Variants in CACNA1F observed in about 807,000 individuals in gnomAD.
The protein encoded by CACNA1F is calcium voltage-gated channel subunit alpha1 F.
CACNA1F carries 59 observed loss-of-function variants against 143.8 expected under a neutral mutation model. The observed-to-expected ratio is 0.41, with a 90% CI of 0.33 to 0.51. CACNA1F has a LOEUF of 0.51. CACNA1F is among the 20% of genes least tolerant of loss of function. The pLI, the probability that CACNA1F is intolerant of heterozygous loss-of-function variation, is 0.22. For synonymous variants in CACNA1F, 643 were observed against 649.1 expected (o/e 0.99, Z 0.14); for missense variants, 1,411 against 1,647.5 (o/e 0.86, Z 2.48).
At position 49,208,540 on chromosome X, in the gene CACNA1F, G is replaced by A. The variant is rs782006249; in HGVS notation, c.5098C>T (p.Pro1700Ser). 1 of 1,209,310 alleles carries A rather than the reference G, an allele frequency of 8.3e-7. No individual in the cohort carries two copies. The highest frequency in any genetic ancestry group is 1.7e-5 in the African/African-American group (1 of 57,616). ...GTPTSSQPSV[P>S]QAGSNTHRRG... ...CTGTGGGTGTTGGATCCAGCCTGGGGCACACTGGGCTGACTGGAGGTGGGA... is the reference window on the plus strand; with the variant it reads ...CTGTGGGTGTTGGATCCAGCCTGGGACACACTGGGCTGACTGGAGGTGGGA... The change falls in exon 43 of 48, where the codon CCC becomes TCC. Residue 1700 changes from proline (P) to serine (S), a missense_variant. Pro to Ser is a moderately conservative substitution (Grantham distance 74). This residue lies in a region of CACNA1F where 349 missense variants were observed against 350.2 expected (regional missense o/e 1.00). Coordinates refer to ENST00000323022, the MANE Select transcript of CACNA1F (RefSeq NM_001256789.3).
chrX:49,219,896 G>C, intron 19 of CACNA1F, 106 bp from the exon 20 acceptor site: 1 of 535,492 alleles, frequency 1.9e-6, no homozygotes. Flanking sequence ...CTGCTAGAAT[G>C]TCAGCTCCTC....
At position 49,209,673 on chromosome X, in the gene CACNA1F, G is replaced by A; in HGVS notation, c.4777C>T (p.Leu1593=). The change falls in exon 41 of 48, where the codon CTA becomes TTA. Residue 1593 remains leucine (L), a synonymous_variant. Transcript: ENST00000323022. ...CTAGGGGCGGCGTCGTTGCCTAGTA[G>A]CCCTTTTTCTTTCCTCCGCCGGAAT... The part of the protein sequence containing the change: ...RKFRRRKEKG[L]LGNDAAPSTS... 1 of 1,211,126 alleles carries A rather than the reference G, an allele frequency of 8.3e-7. No individual in the cohort carries two copies. Among genetic ancestry groups the A allele is most frequent in the Non-Finnish European group, 1.1e-6 (1 of 894,983 alleles).
At chrX:49,232,070 T>C (rs1348197927) in intron 1 of CACNA1F, 143 bp from the exon 2 acceptor site, 1 of 568,647 alleles carries the variant, frequency 1.8e-6, no homozygotes, top group African/African-American at 2.3e-5. Flanking sequence ...GGTTAAGGAC[T>C]GGGAAGTAAG....
Position 49,231,289 on chromosome X carries a change from G to A in CACNA1F, c.294C>T (p.Ile98=), listed in dbSNP as rs782117927. 8.6e-7 allele frequency: 1 copy of A among 1,162,442 alleles called. No individual in the cohort carries two copies. The part of the protein sequence containing the change: ...IVEWKPFDIL[I]LLTIFANCVA... ...CGCAGTTGGCAAAGATGGTCAGCAG[G>A]ATGAGGATGTCGAAGGGCCTCAGGT... The change falls in exon 3 of 48, where the codon ATC becomes ATT. Residue 98 remains isoleucine, a synonymous_variant. Transcript: ENST00000323022.
chrX:49,211,269 C>T (rs2065654851), intron 36 of CACNA1F, 53 bp downstream of exon 36: 2 of 1,193,979 alleles, frequency 1.7e-6, no homozygotes, highest in Non-Finnish European at 2.3e-6. Context: ...CCCTGAGCCC[C>T]TCAGGGCCAG....
At position 49,223,128 on chromosome X, in the gene CACNA1F, GCC is replaced by G; in HGVS notation, c.1884_1885del (p.Trp628CysfsTer46). 1 of 1,186,738 alleles carries G rather than the reference GCC, an allele frequency of 8.4e-7. No individual in the cohort carries two copies. Among genetic ancestry groups the G allele is most frequent in the Non-Finnish European group, 1.1e-6 (1 of 877,262 alleles). ...GGATGCCACCAGATTGCTCAGAGAA[GCC>G]CAGTGTCTGCAGCAGAAATGGGAGG... is the stretch of plus-strand genomic sequence containing the variant. On this transcript the variant is annotated frameshift_variant, in exon 15 of 48. Transcript: ENST00000323022. LOFTEE classifies it high-confidence loss of function.
chrX:49,210,837 G>A lies in CACNA1F; in HGVS notation c.4388+128C>T, dbSNP rs1569527766. The A allele has an allele frequency of 5.7e-6, 5 of 871,154 alleles. No homozygotes were observed. The East Asian group carries it at 1.0e-4, about 18-fold the overall frequency. The allele number at this position is 871,154 out of a possible 1,213,427, so 71.8% of individuals were successfully genotyped here. A position where few individuals can be genotyped will look rare whatever the true frequency, so the allele number is the denominator to read the frequency against. On this transcript the variant is annotated intron_variant, in intron 37 of 47. Transcript: ENST00000323022. ...GCAGTCAGAGAGGGCAGAGGATGGGGCAGTGGAAACTTTGGGGCATCTATT... is the reference window on the plus strand; with the variant it reads ...GCAGTCAGAGAGGGCAGAGGATGGGACAGTGGAAACTTTGGGGCATCTATT...
intron 1 of CACNA1F, among the ~76,000 whole-genome samples, chrX:49,232,205 T>G (rs1263537609): frequency 1.8e-5 from 2 of 111,244 alleles, no homozygotes; most frequent in Admixed American, 1.9e-4. Flanking sequence ...GGTGGGCGAA[T>G]TTAAGGTTAA....
At position 49,208,544 on chromosome X, in the gene CACNA1F, A is replaced by C. The variant is rs1557105437; in HGVS notation, c.5094T>G (p.Ser1698Arg). 1.6e-5 allele frequency: 19 copies of C among 1,209,381 alleles called. No homozygotes were observed. The highest frequency in any genetic ancestry group is 2.0e-5 in the Non-Finnish European group (18 of 894,364). Residue 1698 changes from serine to arginine, a missense_variant, in exon 43 of 48, where the codon AGT becomes AGG. By Grantham distance (110) the Ser-to-Arg change is moderately radical. Transcript: ENST00000323022. ...DRGTPTSSQPSVPQAGSNTHR... is the reference protein window; with the variant it reads ...DRGTPTSSQPRVPQAGSNTHR... ...GGGTGTTGGATCCAGCCTGGGGCAC[A>C]CTGGGCTGACTGGAGGTGGGAGTCC... is the stretch of plus-strand genomic sequence containing the variant.
At chrX:49,219,549 C>T (rs2065754496) in intron 20 of CACNA1F, 85 bp downstream of exon 20, 2 of 1,174,219 alleles carry the variant, frequency 1.7e-6, no homozygotes, top group African/African-American at 3.5e-5. Flanking sequence ...CACCCATGCC[C>T]CCACTCCCAC....
chrX:49,210,119 G>T (rs1356965776), intron 39 of CACNA1F, 77 bp from the exon 40 acceptor site: 11 of 780,791 alleles, frequency 1.4e-5, no homozygotes, highest in Admixed American at 2.2e-5. Flanking sequence ...TGGGTGGGGG[G>T]AACTTCACAA....
chrX:49,221,546 G>A (rs893793021), intron 17 of CACNA1F, among the ~76,000 whole-genome samples: 72 of 109,517 alleles, frequency 6.6e-4, no homozygotes, highest in Admixed American at 3.8e-3. Context: ...TGTATTTTTA[G>A]TAGAGACAGG....
Position 49,226,379 on chromosome X carries a change from TGGGCTGGGTCAG to T in CACNA1F, c.1463+18_1463+29del, listed in dbSNP as rs1166402883. 21 of 1,164,160 alleles carry T rather than the reference TGGGCTGGGTCAG, an allele frequency of 1.8e-5. No individual in the cohort carries two copies. The African/African-American group carries it at 2.0e-4, about 11-fold the overall frequency. ...TTGAGTCAGGGTTTGGACTGGCTTC[TGGGCTGGGTCAG>T]GGGCTGGGGGCCCTCACAGGCAGCG... On this transcript the variant is annotated intron_variant, in intron 11 of 47. Transcript: ENST00000323022.
chrX:49,213,333 C>T (rs1038400269), intron 31 of CACNA1F, among the ~76,000 whole-genome samples: 13 of 111,336 alleles, frequency 1.2e-4, no homozygotes, highest in Non-Finnish European at 1.9e-4. Context: ...GAACCAGCAG[C>T]GTTGTCAGTT....
Position 49,230,992 on chromosome X carries a change from G to T in CACNA1F, c.382-3C>A, listed in dbSNP as rs1557111205. ...AGGAATACGTACTCCACCTGCTCCTGGGGGTGGGACCGGGGGGCGGGTCGG... is the reference window on the plus strand; with the variant it reads ...AGGAATACGTACTCCACCTGCTCCTTGGGGTGGGACCGGGGGGCGGGTCGG... On this transcript the variant is annotated splice_region_variant and splice_polypyrimidine_tract_variant and intron_variant, in intron 3 of 47. Transcript: ENST00000323022. 1.7e-6 allele frequency: 2 copies of T among 1,190,300 alleles called. No homozygotes were observed. The highest frequency in any genetic ancestry group is 2.3e-6 in the Non-Finnish European group (2 of 878,203).
At position 49,210,894 on chromosome X, in the gene CACNA1F, T is replaced by G. The variant is rs186145380; in HGVS notation, c.4388+71A>C. 1.6e-4 allele frequency: 176 copies of G among 1,099,593 alleles called. 2 individuals carry two copies. In the African/African-American group the frequency reaches 2.7e-3, roughly 17 times the overall value. The allele number at this position is 1,099,593 out of a possible 1,213,427, so 90.6% of individuals were successfully genotyped here. A position where few individuals can be genotyped will look rare whatever the true frequency, so the allele number is the denominator to read the frequency against. ...GTAATGAGATGCAGCAGTCGGAGGT[T>G]TGGGGGCTAGGGGACTGTGTAGGGC... is the stretch of plus-strand genomic sequence containing the variant. On this transcript the variant is annotated intron_variant, in intron 37 of 47. Coordinates refer to ENST00000323022, the MANE Select transcript of CACNA1F (RefSeq NM_001256789.3).
At chrX:49,216,207 C>T (rs1355235785) in intron 27 of CACNA1F, among the ~76,000 whole-genome samples, 175 bp downstream of exon 27, 2 of 111,002 alleles carry the variant, frequency 1.8e-5, no homozygotes, top group Non-Finnish European at 3.8e-5. Flanking sequence ...CTTCTGGGAA[C>T]TCCACCTCTA....
chrX:49,220,235 G>C (rs184132880), intron 19 of CACNA1F, among the ~76,000 whole-genome samples: 1 of 111,821 alleles, frequency 8.9e-6, no homozygotes, highest in Non-Finnish European at 1.9e-5. Context: ...GCATCATCAT[G>C]CTTGGCTAAT....
At chrX:49,223,595 CAAAAAAAAAAAAAA>C (rs58022930) in intron 14 of CACNA1F, among the ~76,000 whole-genome samples, 17 of 23,683 alleles carry the variant, frequency 7.2e-4, no homozygotes, top group Admixed American at 1.7e-3. Context: ...GACTCTGTCT[CAAAAAAAAAAAAAA>C]AAAAAAAAAA....
Sources: gnomAD v4.1 joint callset for allele counts (sites outside exome capture counted in the v4.1 genomes callset) on GRCh38, gnomAD v4.1.1 for gene constraint, gnomAD v4.1.1 regional missense constraint, MANE v1.5 for transcripts, NCBI Gene and HGNC (gene_info 2026-07-23, HGNC 2026-07-21) for gene names.